The following PIGR variants were observed in gnomAD, a reference collection of about 807,000 sequenced individuals.
PIGR encodes the protein hepatocellular carcinoma associated protein TB6.
In PIGR, 22 loss-of-function variants were observed where a neutral mutation model predicts 69.5. The observed-to-expected ratio is 0.32, with a 90% CI of 0.23 to 0.45. The LOEUF is 0.45. Ranked by LOEUF, PIGR falls within the 20% of genes least tolerant of loss-of-function variation. The probability of loss-of-function intolerance (pLI) is 1.00; values close to 1 mark genes in which losing one functional copy is unlikely to be tolerated. For missense variants in PIGR, 885 were observed against 974.0 expected, an observed-to-expected ratio of 0.91 and a Z score of 1.22; for synonymous variants, 413 against 407.6, an observed-to-expected ratio of 1.01 and a Z score of -0.16.
At position 206,931,705 on chromosome 1, in the gene PIGR, C is replaced by T. The variant is rs749817121; in HGVS notation, c.2106G>A (p.Ser702=). ...CTCCGAGGGATGTCTCCTGAGTGAT[C>T]GAAGAGGCTCCCATGTTGTCATTGG... ...FGANDNMGAS[S]ITQETSLGGK... is the part of the protein sequence containing the mutation. The change falls in exon 9 of 11, where the codon TCG becomes TCA. Residue 702 remains serine (S), a synonymous_variant. Coordinates refer to ENST00000356495, the MANE Select transcript of PIGR (RefSeq NM_002644.4). 14 of 1,613,994 alleles carry T rather than the reference C, an allele frequency of 8.7e-6. No homozygotes were observed. The highest frequency in any genetic ancestry group is 5.5e-5 in the South Asian group (5 of 91,074).
At position 206,937,199 on chromosome 1, in the gene PIGR, C is replaced by T. The variant is rs142697412; in HGVS notation, c.941G>A (p.Gly314Asp). The change falls in exon 4 of 11, where the codon GGC becomes GAC. Residue 314 changes from glycine (G) to aspartate (D), a missense_variant. Transcript: ENST00000356495. The part of the protein sequence containing the change: ...KDGSFSVVIT[G>D]LRKEDAGRYL... ...GCGCCCTGCATCCTCCTTCCTCAGG[C>T]CTGTGATCACCACACTGAATGAGCC... 4 of 1,614,092 alleles carry T rather than the reference C, an allele frequency of 2.5e-6. No individual in the cohort carries two copies. The African/African-American group carries it at 4.0e-5, about 16-fold the overall frequency.
At position 206,930,251 on chromosome 1, in the gene PIGR, G is replaced by A; in HGVS notation, c.*67C>T. On this transcript the variant is annotated 3_prime_UTR_variant, in exon 11 of 11. Coordinates refer to ENST00000356495, the MANE Select transcript of PIGR (RefSeq NM_002644.4). The surrounding 1 kb of genome is among the most constrained non-coding windows in gnomAD (Gnocchi z 4.3). The stretch of plus-strand genomic sequence containing the variant: ...AGGGAGTGGGGTCCCCAGGAGCTGA[G>A]GGCCCCAGGATCGACATGATTCTGA... 1.4e-6 allele frequency: 2 copies of A among 1,415,174 alleles called. No homozygotes were observed. Among genetic ancestry groups the A allele is most frequent in the Middle Eastern group, 2.1e-4 (1 of 4,708 alleles). The allele number at this position is 1,415,174 out of a possible 1,614,324, so 87.7% of individuals were successfully genotyped here.
intron 1 of PIGR, among the ~76,000 whole-genome samples, chr1:206,941,293 G>C (rs971734635): frequency 1.4e-4 from 22 of 152,072 alleles, no homozygotes; most frequent in African/African-American, 4.8e-4. Context: ...ATGGGGGTCG[G>C]GGAAGATTTG....
intron 6 of PIGR, 88 bp downstream of exon 6, chr1:206,934,332 G>A (rs1679820558): frequency 3.4e-6 from 4 of 1,171,008 alleles, no homozygotes; most frequent in Non-Finnish European, 3.6e-6. Flanking sequence ...ATAGGGGCCA[G>A]CACTGATTGA....
At chr1:206,944,754 T>A (rs1317627159) in intron 1 of PIGR, among the ~76,000 whole-genome samples, 1 of 151,378 alleles carries the variant, frequency 6.6e-6, no homozygotes, top group Non-Finnish European at 1.5e-5. Context: ...TGCATAGGTA[T>A]TTTTTTTTAA....
At chr1:206,937,777 G>A in intron 3 of PIGR, 26 bp from the exon 4 acceptor site, 1 of 1,606,076 alleles carries the variant, frequency 6.2e-7, no homozygotes, top group Non-Finnish European at 8.5e-7. Context: ...TGCAAGGTAG[G>A]GGGCAGGCAA....
rs372799711 is a variant in PIGR at position 206,934,508 on chromosome 1, C to T, written c.1617G>A (p.Glu539=). Residue 539 remains glutamate (E), a synonymous_variant, in exon 6 of 11, where the codon GAG becomes GAA. Transcript: ENST00000356495. ...GCTTCACTCCACACCAGTACCAGCC[C>T]TCATCAGCCCTGGTCACCAGGTTCA... The part of the protein sequence containing the change: ...LTLNLVTRAD[E]GWYWCGVKQG... 6.8e-6 allele frequency: 11 copies of T among 1,614,126 alleles called. No individual in the cohort carries two copies. The African/African-American group carries it at 1.5e-4, about 22-fold the overall frequency.
rs1025261618 is a variant in PIGR at position 206,929,947 on chromosome 1, T to A, written c.*371A>T. The A allele has an allele frequency of 5.0e-6, 1 of 200,442 alleles. No individual in the cohort carries two copies. The highest frequency in any genetic ancestry group is 2.3e-5 in the African/African-American group (1 of 43,288). The allele number at this position is 200,442 out of a possible 1,614,324, so 12.4% of individuals were successfully genotyped here. ...GGAGGGATGGAGTGGAGGGAAAAAT[T>A]CTGTTGACATCCCATGATAAGGGTG... On this transcript the variant is annotated 3_prime_UTR_variant, in exon 11 of 11. Coordinates refer to ENST00000356495, the MANE Select transcript of PIGR (RefSeq NM_002644.4).
At chr1:206,934,050 C>T (rs748704656) in intron 6 of PIGR, among the ~76,000 whole-genome samples, 10 of 152,154 alleles carry the variant, frequency 6.6e-5, no homozygotes, top group Non-Finnish European at 1.2e-4. Flanking sequence ...TTAGTAGAGA[C>T]GAGTTTTCTC....
rs758005036 is a variant in PIGR, at chr1:206,937,612, G to A, written c.528C>T (p.Val176=). The change falls in exon 4 of 11, where the codon GTC becomes GTT. Residue 176 remains valine, a synonymous_variant. Transcript: ENST00000356495. ...GATTTACATAACCACTGGAGTCGAT[G>A]ACCAGCACAGGGTACAGGCCTATCT... ...YKQIGLYPVL[V]IDSSGYVNPN... is the part of the protein sequence containing the mutation. 6.2e-7 allele frequency: 1 copy of A among 1,613,884 alleles called. No homozygotes were observed. Among genetic ancestry groups the A allele is most frequent in the East Asian group, 2.2e-5 (1 of 44,880 alleles).
At chr1:206,940,840 T>C (rs954395475) in intron 1 of PIGR, among the ~76,000 whole-genome samples, 6 of 152,234 alleles carry the variant, frequency 3.9e-5, no homozygotes, top group Non-Finnish European at 7.3e-5. Context: ...AGAGATATTG[T>C]GTCATTTGCT....
chr1:206,934,036 A>G (rs1042913453), intron 6 of PIGR, among the ~76,000 whole-genome samples: 4 of 152,004 alleles, frequency 2.6e-5, no homozygotes, highest in African/African-American at 9.7e-5. Context: ...TAATTTTTGT[A>G]TTTTTAGTAG....
At chr1:206,944,450 G>A (rs1271791883) in intron 1 of PIGR, among the ~76,000 whole-genome samples, 1 of 152,146 alleles carries the variant, frequency 6.6e-6, no homozygotes, top group Non-Finnish European at 1.5e-5. Flanking sequence ...TCCAGCCTGG[G>A]TGACAGGGCA....
chr1:206,940,858 C>G (rs1679968868), intron 1 of PIGR, among the ~76,000 whole-genome samples: 1 of 152,176 alleles, frequency 6.6e-6, no homozygotes, highest in Non-Finnish European at 1.5e-5. Context: ...GCTCTGTTTC[C>G]CTGCCCATGA....
At chr1:206,942,712 T>C (rs1348635476) in intron 1 of PIGR, among the ~76,000 whole-genome samples, 2 of 152,212 alleles carry the variant, frequency 1.3e-5, no homozygotes, top group African/African-American at 4.8e-5. Flanking sequence ...CTGACCTCTG[T>C]CCCAGACTTC....
At chr1:206,941,725 G>C (rs1272435215) in intron 1 of PIGR, among the ~76,000 whole-genome samples, 1 of 152,252 alleles carries the variant, frequency 6.6e-6, no homozygotes. Flanking sequence ...ACACAGCCCA[G>C]GGCTGAGGAG....
intron 1 of PIGR, among the ~76,000 whole-genome samples, chr1:206,942,027 A>G (rs932729313): frequency 2.6e-5 from 4 of 152,196 alleles, no homozygotes; most frequent in Non-Finnish European, 4.4e-5. Context: ...GCCAAAGGCA[A>G]TAGAGTTGTT....
In PIGR at chr1:206,939,323, C is replaced by T. The variant is rs1679935336; in HGVS notation, c.184G>A (p.Gly62Ser). The change falls in exon 3 of 11, where the codon GGT becomes AGT. Residue 62 changes from glycine (G) to serine (S), a missense_variant. By Grantham distance (56) the Gly-to-Ser change is moderately conservative (BLOSUM62 0). Transcript: ENST00000356495. ...GAGGAGATGAGGGTTATGCAGCCAC[C>T]TCTAGCTCCCTGCCGGCACCAGTAC... ...RKYWCRQGAR[G>S]GCITLISSEG... The T allele has an allele frequency of 1.2e-6, 2 of 1,614,124 alleles. No individual in the cohort carries two copies. Among genetic ancestry groups the T allele is most frequent in the African/African-American group, 1.3e-5 (1 of 74,928 alleles).
In PIGR at chr1:206,928,766, C is replaced by A. The variant is rs1251021205; in HGVS notation, c.*1552G>T. Reference sequence around the variant, plus strand: ...TTTTATCTTGGGTCCATGTGAGTGACAGAAATGGTGCGGCCTGGGAAAGAT... The same window carrying A: ...TTTTATCTTGGGTCCATGTGAGTGAAAGAAATGGTGCGGCCTGGGAAAGAT... On this transcript the variant is annotated 3_prime_UTR_variant, in exon 11 of 11. Transcript: ENST00000356495. 1 of 152,590 alleles carries A rather than the reference C, an allele frequency of 6.6e-6. No homozygotes were observed. The highest frequency in any genetic ancestry group is 1.5e-5 in the Non-Finnish European group (1 of 68,072). 9.5% of individuals were successfully genotyped at this position (152,590 alleles called of 1,614,324 possible).
Sources: gnomAD v4.1 joint callset for allele counts (sites outside exome capture counted in the v4.1 genomes callset) on GRCh38, gnomAD v4.1.1 for gene constraint, Gnocchi (gnomAD v3.1) non-coding constraint, MANE v1.5 for transcripts, NCBI Gene and HGNC (gene_info 2026-07-23, HGNC 2026-07-21) for gene names.